PCDHGA8: variants seen among roughly 807,000 people sequenced by gnomAD.
PCDHGA8 encodes protocadherin gamma-A8.
A neutral mutation model predicts 59.2 loss-of-function variants in PCDHGA8; 45 were observed. The observed-to-expected ratio is 0.76, with a 90% CI of 0.60 to 0.98. The LOEUF is 0.98. Among genes scored for constraint, PCDHGA8 ranks in the 50% least tolerant of loss-of-function variants. The pLI is 0.00. For synonymous variants in PCDHGA8, 531 were observed against 519.0 expected, an observed-to-expected ratio of 1.02 and a Z score of -0.32; for missense variants, 1,257 against 1,196.2, an observed-to-expected ratio of 1.05 and a Z score of -0.75.
intron 1 of PCDHGA8, chr5:141,427,240 C>G (rs1447231420): frequency 1.3e-5 from 6 of 456,536 alleles, no homozygotes; most frequent in Non-Finnish European, 2.6e-5. Context: ...AGAGTAGAAG[C>G]TAAGGATGGT....
At chr5:141,414,363 T>C in intron 1 of PCDHGA8, 3 of 1,613,910 alleles carry the variant, frequency 1.9e-6, no homozygotes, top group Non-Finnish European at 1.7e-6. Context: ...ATCTACCATT[T>C]AAATTAGAAA....
chr5:141,424,052 G>A, intron 1 of PCDHGA8: 1 of 1,012,010 alleles, frequency 9.9e-7, no homozygotes, highest in South Asian at 4.7e-5. Flanking sequence ...CAATTTTGCT[G>A]TGCCTTCACT....
At chr5:141,428,120 C>A in intron 1 of PCDHGA8, 1 of 1,606,526 alleles carries the variant, frequency 6.2e-7, no homozygotes, top group Non-Finnish European at 8.5e-7. Flanking sequence ...CCATCGAGCC[C>A]GGGCTTTTCA....
chr5:141,404,545 G>A (rs763601254), intron 1 of PCDHGA8: 1 of 1,613,940 alleles, frequency 6.2e-7, no homozygotes, highest in Admixed American at 1.7e-5. Context: ...TGCAAATGCA[G>A]GTGACGGCAA....
intron 1 of PCDHGA8, chr5:141,475,917 C>T (rs1012431912): frequency 1.7e-6 from 1 of 599,962 alleles, no homozygotes. Context: ...AATGAAGACG[C>T]TGGAGATCGG....
chr5:141,399,896 T>G (rs1271195619), intron 1 of PCDHGA8: 2 of 1,612,518 alleles, frequency 1.2e-6, no homozygotes, highest in Non-Finnish European at 8.5e-7. Flanking sequence ...GTAGTGGCCG[T>G]GGACGCAGAC....
chr5:141,405,437 T>A, intron 1 of PCDHGA8: 1 of 1,433,230 alleles, frequency 7.0e-7, no homozygotes, highest in Non-Finnish European at 9.6e-7. Context: ...GTTTTGTTTT[T>A]GAGACAGAGT....
chr5:141,491,434 A>G lies in PCDHGA8; in HGVS notation c.2425-3373A>G, dbSNP rs1362196179. The G allele has an allele frequency of 6.2e-7, 1 of 1,614,032 alleles. No individual in the cohort carries two copies. ...GGACGGGGGTGGAGGGCAGTGCTGC[A>G]GGCGCCAGGACTCACCCTCCCCGGA... On this transcript the variant is annotated intron_variant, in intron 1 of 3. Coordinates refer to ENST00000398604, the MANE Select transcript of PCDHGA8 (RefSeq NM_032088.2). The surrounding 1 kb of genome is among the most constrained non-coding windows in gnomAD (Gnocchi z 6.9).
At position 141,490,908 on chromosome 5, in the gene PCDHGA8, C is replaced by G; in HGVS notation, c.2425-3899C>G. On this transcript the variant is annotated intron_variant, in intron 1 of 3. Transcript: ENST00000398604. This position sits in a 1 kb window ranked among gnomAD's most constrained non-coding sequence, Gnocchi z 5.4. ...CATCTCTGCATGTGTTTGTCCTAGA[C>G]GAGAATGATAATGCCCCAGCTGTGC... The G allele has an allele frequency of 6.2e-7, 1 of 1,613,710 alleles. No individual in the cohort carries two copies. Among genetic ancestry groups the G allele is most frequent in the Non-Finnish European group, 8.5e-7 (1 of 1,179,754 alleles).
intron 1 of PCDHGA8, among the ~76,000 whole-genome samples, chr5:141,473,191 G>C (rs28479996): frequency 6.6e-6 from 1 of 152,134 alleles, no homozygotes; most frequent in South Asian, 2.1e-4. Flanking sequence ...AGGAGTAAAT[G>C]TATCTTCTAA....
At chr5:141,455,911 ATTTT>A (rs1404284843) in intron 1 of PCDHGA8, among the ~76,000 whole-genome samples, 2 of 114,614 alleles carry the variant, frequency 1.7e-5, no homozygotes, top group African/African-American at 3.3e-5. Context: ...TTATTTATTT[ATTTT>A]GAGACGGAGT....
intron 1 of PCDHGA8, among the ~76,000 whole-genome samples, chr5:141,464,197 G>A (rs1216682352): frequency 3.3e-5 from 5 of 151,394 alleles, no homozygotes; most frequent in African/African-American, 9.7e-5. Context: ...TTCAGGAGGC[G>A]GAGATTGCAG....
intron 1 of PCDHGA8, chr5:141,428,440 G>A (rs890993546): frequency 1.0e-5 from 4 of 393,892 alleles, no homozygotes; most frequent in African/African-American, 8.2e-5. Flanking sequence ...GACTAGACCA[G>A]GGGTTTTTCC....
In PCDHGA8 at chr5:141,432,250, A is replaced by G. The variant is rs777728825; in HGVS notation, c.2424+37013A>G. 2 of 1,614,234 alleles carry G rather than the reference A, an allele frequency of 1.2e-6. No homozygotes were observed. Among genetic ancestry groups the G allele is most frequent in the Admixed American group, 1.7e-5 (1 of 60,026 alleles). ...ATTCCCTGGCTGAGAACACCATCCA[A>G]GGGGCAAGCCTATCGTCCTACGTGT... On this transcript the variant is annotated intron_variant, in intron 1 of 3. Transcript: ENST00000398604. The surrounding 1 kb of genome is among the most constrained non-coding windows in gnomAD (Gnocchi z 6.0).
chr5:141,476,062 A>G lies in PCDHGA8; in HGVS notation c.2425-18745A>G, dbSNP rs2099384587. On this transcript the variant is annotated intron_variant, in intron 1 of 3. Coordinates refer to ENST00000398604, the MANE Select transcript of PCDHGA8 (RefSeq NM_032088.2). This position sits in a 1 kb window ranked among gnomAD's most constrained non-coding sequence, Gnocchi z 7.6. ...AGCGCTAACCCGCTGAAAGTTTCTC[A>G]GCGAAATCTCAGGGACGATCTGGAC... The G allele has an allele frequency of 1.8e-5, 27 of 1,509,766 alleles. No individual in the cohort carries two copies. Among genetic ancestry groups the G allele is most frequent in the Non-Finnish European group, 2.3e-5 (26 of 1,136,920 alleles). The allele number at this position is 1,509,766 out of a possible 1,614,324, so 93.5% of individuals were successfully genotyped here.
chr5:141,427,983 C>G, intron 1 of PCDHGA8: 2 of 1,596,840 alleles, frequency 1.3e-6, no homozygotes, highest in South Asian at 2.2e-5. Context: ...CGCGCTGGGG[C>G]CCGATGGCTC....
In PCDHGA8 at chr5:141,460,596, C is replaced by A. The variant is rs930441447; in HGVS notation, c.2425-34211C>A. On this transcript the variant is annotated intron_variant, in intron 1 of 3. Transcript: ENST00000398604. ...TGTAGGTGTGGGTTTTTTCTGGGCT[C>A]TCTGTGTTAGATGGATAGATAGACA... Among the ~76,000 whole-genome samples the A allele has an allele frequency of 1.3e-5, 2 of 151,986 alleles. 1 individual carries two copies. The highest frequency in any genetic ancestry group is 4.1e-4 in the South Asian group (2 of 4,824).
chr5:141,502,868 T>TTTTTTTTTC (rs1298099288), intron 2 of PCDHGA8, among the ~76,000 whole-genome samples: 1 of 147,026 alleles, frequency 6.8e-6, no homozygotes, highest in Non-Finnish European at 1.5e-5. Flanking sequence ...CTCTCTGTCT[T>TTTTTTTTTC]TTTTTTTTTT....
chr5:141,413,739 C>A (rs748041372), intron 1 of PCDHGA8: 1 of 1,613,424 alleles, frequency 6.2e-7, no homozygotes, highest in South Asian at 1.1e-5. Context: ...GAGTTCAGAG[C>A]CGTGCCAATG....
Sources: gnomAD v4.1 joint callset for allele counts (sites outside exome capture counted in the v4.1 genomes callset) on GRCh38, gnomAD v4.1.1 for gene constraint, Gnocchi (gnomAD v3.1) non-coding constraint, MANE v1.5 for transcripts, NCBI Gene and HGNC (gene_info 2026-07-23, HGNC 2026-07-21) for gene names.